Variants in GALNT13 observed in about 807,000 individuals in gnomAD.
GALNT13 encodes UDP-GalNAc:polypeptide N-acetylgalactosaminyltransferase 13.
In GALNT13, 28 loss-of-function variants were observed where a neutral mutation model predicts 64.2. The ratio of observed to expected loss-of-function variants is 0.44; its 90% CI spans 0.32 to 0.60. The LOEUF (loss-of-function observed/expected upper bound fraction) is 0.60, where lower values mean the gene tolerates loss of function less well. Ranked by LOEUF, GALNT13 falls within the 20% of genes least tolerant of loss-of-function variation. The pLI is 0.05. For synonymous variants in GALNT13, 214 were observed against 224.6 expected, an observed-to-expected ratio of 0.95 and a Z score of 0.42; for missense variants, 577 against 669.8, an observed-to-expected ratio of 0.86 and a Z score of 1.53.
the GALNT13 span, among the ~76,000 whole-genome samples, chr2:153,695,570 T>C: frequency 6.6e-6 from 1 of 152,216 alleles, no homozygotes; most frequent in African/African-American, 2.4e-5. Context: ...CCTAAATACA[T>C]GTAGAGGAGA....
the GALNT13 span, among the ~76,000 whole-genome samples, chr2:153,828,626 G>C: frequency 1.3e-5 from 2 of 152,132 alleles, no homozygotes; most frequent in African/African-American, 2.4e-5. Flanking sequence ...GCCTCCAGTC[G>C]TGTGATGGAA....
the GALNT13 span, among the ~76,000 whole-genome samples, chr2:153,453,066 T>G: frequency 6.6e-6 from 1 of 152,188 alleles, no homozygotes; most frequent in Admixed American, 6.5e-5. Context: ...GCTAGCCATA[T>G]GCAGAAGAAT....
chr2:154,193,470 G>A (rs542154620), intron 4 of GALNT13, among the ~76,000 whole-genome samples: 1 of 152,278 alleles, frequency 6.6e-6, no homozygotes, highest in East Asian at 1.9e-4. Context: ...GTTTCCTGAA[G>A]AACCGTGACC....
At chr2:154,334,075 CT>C (rs35425837) in intron 9 of GALNT13, among the ~76,000 whole-genome samples, 3 of 151,544 alleles carry the variant, frequency 2.0e-5, no homozygotes, top group Non-Finnish European at 4.4e-5. Context: ...TCATGGATGA[CT>C]TTTTTTCTCT....
chr2:154,437,227 G>A (rs553268910), intron 11 of GALNT13: 177 of 158,932 alleles, frequency 1.1e-3, no homozygotes, highest in African/African-American at 4.0e-3. Context: ...CCTTTTAAGC[G>A]GTTGGCAGAA....
At chr2:153,647,769 T>C in the GALNT13 span, among the ~76,000 whole-genome samples, 1 of 152,196 alleles carries the variant, frequency 6.6e-6, no homozygotes, top group African/African-American at 2.4e-5. Context: ...AAAGATCAGA[T>C]AGTTGTAGAT....
the GALNT13 span, among the ~76,000 whole-genome samples, chr2:153,808,121 AAT>A: frequency 6.6e-6 from 1 of 152,206 alleles, no homozygotes; most frequent in African/African-American, 2.4e-5. Flanking sequence ...GGCAGTTTAA[AAT>A]ATAAGTTACA....
At chr2:154,047,027 A>G (rs780630470) in intron 3 of GALNT13, among the ~76,000 whole-genome samples, 15 of 152,094 alleles carry the variant, frequency 9.9e-5, no homozygotes, top group Non-Finnish European at 1.6e-4. Flanking sequence ...AATTTTTAGT[A>G]GCACATATCT....
At chr2:153,628,204 A>G in the GALNT13 span, among the ~76,000 whole-genome samples, 1 of 151,730 alleles carries the variant, frequency 6.6e-6, no homozygotes, top group African/African-American at 2.4e-5. Context: ...TTGTATCCTG[A>G]GACTTTGCTG....
At chr2:153,766,125 A>G in the GALNT13 span, among the ~76,000 whole-genome samples, 1 of 151,990 alleles carries the variant, frequency 6.6e-6, no homozygotes, top group African/African-American at 2.4e-5. Flanking sequence ...ACTTTGTTGG[A>G]TAAAATATTC....
chr2:154,046,300 GA>G (rs1161973047), intron 3 of GALNT13, among the ~76,000 whole-genome samples: 1 of 152,128 alleles, frequency 6.6e-6, no homozygotes, highest in Non-Finnish European at 1.5e-5. Context: ...GTACAGTCTA[GA>G]TGACAGAGCA....
At chr2:153,071,789 C>G in the GALNT13 span, among the ~76,000 whole-genome samples, 1 of 152,174 alleles carries the variant, frequency 6.6e-6, no homozygotes, top group African/African-American at 2.4e-5. Context: ...TATAGCCTAT[C>G]ACCTTCTTTT....
the GALNT13 span, among the ~76,000 whole-genome samples, chr2:153,589,274 T>C: frequency 6.6e-6 from 1 of 152,242 alleles, no homozygotes; most frequent in South Asian, 2.1e-4. Context: ...GAGTTACCTT[T>C]GCTTCAGTTC....
chr2:153,594,429 T>C, the GALNT13 span, among the ~76,000 whole-genome samples: 3 of 152,190 alleles, frequency 2.0e-5, no homozygotes, highest in African/African-American at 7.2e-5. Flanking sequence ...TACTATCTTC[T>C]GAGTTTCTTC....
the GALNT13 span, among the ~76,000 whole-genome samples, chr2:153,068,974 A>G: frequency 6.6e-6 from 1 of 152,222 alleles, no homozygotes; most frequent in Non-Finnish European, 1.5e-5. Context: ...TGCTTTCAAT[A>G]CTTGTCTCTC....
chr2:154,110,911 A>T (rs1024710795), intron 3 of GALNT13, among the ~76,000 whole-genome samples: 6 of 152,344 alleles, frequency 3.9e-5, no homozygotes, highest in Admixed American at 2.0e-4. Flanking sequence ...GTACATCCAG[A>T]AATGCATCAA....
At chr2:153,203,690 CTTGT>C in the GALNT13 span, among the ~76,000 whole-genome samples, 6 of 152,120 alleles carry the variant, frequency 3.9e-5, no homozygotes, top group African/African-American at 1.4e-4. Context: ...TCCATAGTAG[CTTGT>C]TTAAGCATTT....
chr2:154,433,194 G>C (rs1216903598), intron 11 of GALNT13, among the ~76,000 whole-genome samples: 1 of 152,178 alleles, frequency 6.6e-6, no homozygotes, highest in African/African-American at 2.4e-5. Flanking sequence ...GCTGTGGCCT[G>C]ACTCACACAT....
At chr2:153,723,255 C>T in the GALNT13 span, among the ~76,000 whole-genome samples, 3 of 148,026 alleles carry the variant, frequency 2.0e-5, no homozygotes. Context: ...ATTCAACAAC[C>T]CTTCATGCTA....
Sources: gnomAD v4.1 joint callset for allele counts (sites outside exome capture counted in the v4.1 genomes callset) on GRCh38, gnomAD v4.1.1 for gene constraint, MANE v1.5 for transcripts, NCBI Gene and HGNC (gene_info 2026-07-23, HGNC 2026-07-21) for gene names.